Variants in ATP2C1 observed in about 807,000 individuals in gnomAD.
ATP2C1 encodes the protein ATPase secretory pathway Ca2+ transporting 1.
ATP2C1 carries 31 observed loss-of-function variants against 120.5 expected under a neutral mutation model. The ratio of observed to expected loss-of-function variants is 0.26; its 90% CI spans 0.19 to 0.35. The LOEUF is 0.35. ATP2C1 is among the 10% of genes least tolerant of loss of function. ATP2C1 has a pLI of 1.00. For missense variants in ATP2C1, 731 were observed against 1,107.5 expected, an observed-to-expected ratio of 0.66 and a Z score of 4.83; for synonymous variants, 351 against 358.7, an observed-to-expected ratio of 0.98 and a Z score of 0.24.
chr3:131,016,437 T>A, exon 27 of ATP2C1: 1 of 1,359,260 alleles, frequency 7.4e-7, no homozygotes, highest in Non-Finnish European at 1.0e-6. Context: ...AGAAAGAAAT[T>A]AATTTAAAAA....
At chr3:130,911,101 T>A (rs933606556) in intron 2 of ATP2C1, among the ~76,000 whole-genome samples, 30 of 151,520 alleles carry the variant, frequency 2.0e-4, no homozygotes, top group African/African-American at 6.8e-4. Flanking sequence ...GTTGGTAAAC[T>A]ATTGATTATT....
At chr3:130,871,127 A>G (rs1397669307) in intron 1 of ATP2C1, among the ~76,000 whole-genome samples, 2 of 152,236 alleles carry the variant, frequency 1.3e-5, no homozygotes, top group East Asian at 3.8e-4. Flanking sequence ...CTTGCTATTG[A>G]ATACTTAATA....
intron 2 of ATP2C1, among the ~76,000 whole-genome samples, chr3:130,904,356 TC>T (rs2058028074): frequency 6.6e-6 from 1 of 151,968 alleles, no homozygotes; most frequent in African/African-American, 2.4e-5. Context: ...CTTTTTTTTC[TC>T]TCATCTTTTA....
chr3:130,903,740 C>CCT (rs2057987581), intron 2 of ATP2C1, among the ~76,000 whole-genome samples: 1 of 116,524 alleles, frequency 8.6e-6, no homozygotes, highest in African/African-American at 4.1e-5. Flanking sequence ...TCCTTTCCAT[C>CCT]TTCTGTATTG....
intron 5 of ATP2C1, among the ~76,000 whole-genome samples, chr3:130,935,960 T>G (rs142147142): frequency 1.3e-5 from 2 of 152,334 alleles, no homozygotes; most frequent in East Asian, 3.9e-4. Context: ...AAAGACTGAC[T>G]CATAGACAAA....
At chr3:130,905,986 A>G (rs1233570030) in intron 2 of ATP2C1, among the ~76,000 whole-genome samples, 1 of 152,100 alleles carries the variant, frequency 6.6e-6, no homozygotes, top group Non-Finnish European at 1.5e-5. Context: ...GCACAGTTTT[A>G]GACCCGGAGC....
intron 1 of ATP2C1, among the ~76,000 whole-genome samples, chr3:130,856,828 C>T (rs2067856311): frequency 1.3e-5 from 2 of 152,144 alleles, no homozygotes; most frequent in Non-Finnish European, 2.9e-5. Context: ...AAAGATTTTC[C>T]TTGTAGAACT....
chr3:130,945,942 C>T (rs2060135382), intron 8 of ATP2C1, among the ~76,000 whole-genome samples: 2 of 147,858 alleles, frequency 1.4e-5, no homozygotes, highest in African/African-American at 5.0e-5. Context: ...TTTTACTTCT[C>T]TCAGCTATAA....
chr3:130,921,868 T>A (rs2058982095), intron 2 of ATP2C1, among the ~76,000 whole-genome samples: 1 of 152,196 alleles, frequency 6.6e-6, no homozygotes, highest in South Asian at 2.1e-4. Flanking sequence ...AGTTAGCTAG[T>A]ATTTTGTTGG....
chr3:130,915,172 C>T (rs1025852582), intron 2 of ATP2C1, among the ~76,000 whole-genome samples: 4 of 151,900 alleles, frequency 2.6e-5, no homozygotes, highest in African/African-American at 9.7e-5. Flanking sequence ...TGGCTCACTG[C>T]AACCTCCGCC....
intron 12 of ATP2C1, chr3:130,962,950 A>G (rs953375065): frequency 1.3e-5 from 2 of 151,900 alleles, no homozygotes; most frequent in Non-Finnish European, 2.9e-5. Context: ...AAAGGATGCT[A>G]ATGTACTAGA....
chr3:130,993,766 C>G (rs1295119707), intron 21 of ATP2C1, among the ~76,000 whole-genome samples, 166 bp from the exon 22 acceptor site: 3 of 152,208 alleles, frequency 2.0e-5, no homozygotes, highest in African/African-American at 7.2e-5. Flanking sequence ...TAAGCTTTAT[C>G]TTACTGAGAT....
chr3:130,920,089 T>G (rs541683325), intron 2 of ATP2C1, among the ~76,000 whole-genome samples: 58 of 152,326 alleles, frequency 3.8e-4, no homozygotes, highest in African/African-American at 9.9e-4. Context: ...ATTTGGAGAC[T>G]AGCCCCTTGT....
intron 6 of ATP2C1, among the ~76,000 whole-genome samples, chr3:130,939,931 C>T (rs766693883): frequency 2.0e-5 from 3 of 152,198 alleles, no homozygotes; most frequent in Non-Finnish European, 2.9e-5. Context: ...TTACTACAGA[C>T]ATGAGGCAAA....
intron 5 of ATP2C1, among the ~76,000 whole-genome samples, chr3:130,936,733 C>T (rs1458041643): frequency 4.1e-5 from 6 of 145,526 alleles, no homozygotes; most frequent in Admixed American, 7.2e-5. Flanking sequence ...AGGAGAATGG[C>T]GTGAACCCCG....
intron 2 of ATP2C1, chr3:130,899,365 T>C (rs1338495330): frequency 1.3e-5 from 2 of 152,202 alleles, no homozygotes; most frequent in African/African-American, 2.4e-5. Context: ...ATGTATTATA[T>C]ACTGTATTCT....
chr3:130,961,316 T>TCTTC (rs1274983158), intron 12 of ATP2C1, among the ~76,000 whole-genome samples: 1 of 151,800 alleles, frequency 6.6e-6, no homozygotes, highest in Admixed American at 6.6e-5. Context: ...TTCTTCAAGG[T>TCTTC]CTTCCAAAGG....
chr3:131,012,260 C>CTTTTTTTTT (rs71620100), intron 26 of ATP2C1, among the ~76,000 whole-genome samples: 14 of 127,186 alleles, frequency 1.1e-4, no homozygotes, highest in East Asian at 2.3e-4. Context: ...TTTCTTTTTT[C>CTTTTTTTTT]TTTTTTTTTT....
Position 130,863,778 on chromosome 3 carries a change from G to C in ATP2C1, c.108+12850G>C, listed in dbSNP as rs148638136. On this transcript the variant is annotated intron_variant, in intron 1 of 26. Transcript: ENST00000504381. ...GGGTTTATCAGGGGTTTCTGCTTTTGCTTCTTCCTCATTTTCTCTTGCTGC... is the reference window on the plus strand; with the variant it reads ...GGGTTTATCAGGGGTTTCTGCTTTTCCTTCTTCCTCATTTTCTCTTGCTGC... 9.7e-3 allele frequency among the ~76,000 whole-genome samples: 1,484 copies of C among 152,222 alleles called. 17 individuals carry two copies. The highest frequency in any genetic ancestry group is 0.032 in the African/African-American group (1,327 of 41,534).
Sources: allele counts gnomAD v4.1 joint callset (sites outside exome capture counted in the v4.1 genomes callset), GRCh38; gene constraint gnomAD v4.1.1; transcripts MANE v1.5; gene names NCBI Gene and HGNC (gene_info 2026-07-23, HGNC 2026-07-21).